Variants in PKP1 observed in about 807,000 individuals in gnomAD.
PKP1 encodes the protein plakophilin-1.
PKP1 carries 27 observed loss-of-function variants against 76.4 expected under a neutral mutation model. The observed-to-expected ratio is 0.35, with a 90% CI of 0.26 to 0.49. PKP1 has a LOEUF of 0.49. Ranked by LOEUF, PKP1 falls within the 20% of genes least tolerant of loss-of-function variation. The pLI is 0.99. For synonymous variants in PKP1, 404 were observed against 384.2 expected, an observed-to-expected ratio of 1.05 and a Z score of -0.60; for missense variants, 964 against 955.2, an observed-to-expected ratio of 1.01 and a Z score of -0.12.
At chr1:201,318,848 C>T in intron 6 of PKP1, 53 bp downstream of exon 6, 1 of 1,421,774 alleles carries the variant, frequency 7.0e-7, no homozygotes, top group Non-Finnish European at 9.7e-7. Flanking sequence ...GGCCCTTCCC[C>T]AGGCAGCCCC....
intron 1 of PKP1, among the ~76,000 whole-genome samples, chr1:201,287,769 T>C (rs1655781844): frequency 1.3e-5 from 2 of 152,198 alleles, no homozygotes; most frequent in South Asian, 4.1e-4. Context: ...CCCGACCCCA[T>C]ACCATTGTAA....
At position 201,323,173 on chromosome 1, in the gene PKP1, C is replaced by A; in HGVS notation, c.1664C>A (p.Thr555Lys). 1 of 1,614,022 alleles carries A rather than the reference C, an allele frequency of 6.2e-7. No homozygotes were observed. The highest frequency in any genetic ancestry group is 8.5e-7 in the Non-Finnish European group (1 of 1,180,018). Residue 555 changes from threonine to lysine, a missense_variant, in exon 9 of 14, where the codon ACA (threonine) becomes AAA (lysine). Coordinates refer to ENST00000367324, the MANE Select transcript of PKP1 (RefSeq NM_001005337.3). ...EACAGALQNL[T>K]ASKGLMSSGM... ...TGTGCTGGTGCCCTGCAGAACCTGA[C>A]AGCCAGCAAGGGGCTGGTGAGTGGG...
chr1:201,314,499 C>G (rs1656667568), intron 3 of PKP1, among the ~76,000 whole-genome samples: 2 of 152,078 alleles, frequency 1.3e-5, no homozygotes. Context: ...CAACAAAAAC[C>G]CTGAGGGACT....
At chr1:201,295,293 T>G (rs1414477165) in intron 2 of PKP1, among the ~76,000 whole-genome samples, 1 of 152,210 alleles carries the variant, frequency 6.6e-6, no homozygotes, top group Non-Finnish European at 1.5e-5. Context: ...GGCTATGTCT[T>G]TCTTACATAT....
chr1:201,300,951 C>T (rs1245991478), intron 2 of PKP1, among the ~76,000 whole-genome samples: 2 of 152,172 alleles, frequency 1.3e-5, no homozygotes, highest in Non-Finnish European at 2.9e-5. Flanking sequence ...CTGAGAGTAC[C>T]TTGCTGACTG....
At chr1:201,308,203 A>T (rs572182734) in intron 2 of PKP1, among the ~76,000 whole-genome samples, 1 of 151,508 alleles carries the variant, frequency 6.6e-6, no homozygotes, top group Non-Finnish European at 1.5e-5. Flanking sequence ...GCACCGGCAC[A>T]GGCTGCCTCA....
At chr1:201,317,099 G>A (rs930241505) in intron 4 of PKP1, among the ~76,000 whole-genome samples, 7 of 152,090 alleles carry the variant, frequency 4.6e-5, no homozygotes, top group African/African-American at 1.7e-4. Flanking sequence ...GCCTGTTGAT[G>A]CCTCCAAAGC....
intron 2 of PKP1, among the ~76,000 whole-genome samples, chr1:201,306,092 G>A (rs1052392479): frequency 3.3e-5 from 5 of 152,248 alleles, no homozygotes; most frequent in African/African-American, 1.2e-4. Flanking sequence ...AAACAGACAG[G>A]TCTGTGTATG....
intron 13 of PKP1, among the ~76,000 whole-genome samples, chr1:201,329,450 C>T (rs922326021): frequency 6.6e-6 from 1 of 152,208 alleles, no homozygotes; most frequent in South Asian, 2.1e-4. Flanking sequence ...GACTCAATAG[C>T]CCTGGAGTGG....
intron 10 of PKP1, 66 bp downstream of exon 10, chr1:201,324,647 C>A: frequency 6.3e-7 from 1 of 1,579,506 alleles, no homozygotes; most frequent in Non-Finnish European, 8.7e-7. Context: ...TTCAAGCCTG[C>A]TTGAAGGTCA....
intron 2 of PKP1, among the ~76,000 whole-genome samples, chr1:201,299,902 G>A (rs906776136): frequency 4.6e-5 from 7 of 152,182 alleles, no homozygotes; most frequent in Non-Finnish European, 8.8e-5. Context: ...GGGTTCCTTC[G>A]GCAGTGCCTG....
Position 201,316,590 on chromosome 1 carries a change from A to G in PKP1, c.739A>G (p.Ile247Val). The change falls in exon 4 of 14, where the codon ATC (isoleucine) becomes GTC (valine). Residue 247 changes from isoleucine (I) to valine (V), a missense_variant. Physicochemically the swap from Ile to Val is conservative, Grantham distance 29. Coordinates refer to ENST00000367324, the MANE Select transcript of PKP1 (RefSeq NM_001005337.3). Reference sequence around the variant, plus strand: ...GGACATCGAGTGCAGTGGGCTGACCATCCCCAAGGCTGTGCAGTACCTGAG... The same window carrying G: ...GGACATCGAGTGCAGTGGGCTGACCGTCCCCAAGGCTGTGCAGTACCTGAG... ...SEDIECSGLT[I>V]PKAVQYLSSQ... 3.1e-6 allele frequency: 5 copies of G among 1,611,958 alleles called. No homozygotes were observed. Among genetic ancestry groups the G allele is most frequent in the Non-Finnish European group, 4.2e-6 (5 of 1,179,098 alleles).
intron 13 of PKP1, 35 bp downstream of exon 13, chr1:201,328,903 G>A: frequency 7.8e-7 from 1 of 1,283,776 alleles, no homozygotes. Flanking sequence ...ATGCCTCTGG[G>A]ACCACTGCAA....
chr1:201,320,425 C>T (rs760300728), intron 7 of PKP1, 44 bp downstream of exon 7: 1 of 1,306,902 alleles, frequency 7.7e-7, no homozygotes, highest in Non-Finnish European at 1.1e-6. Context: ...AGGCCCAGCC[C>T]CCTACATTTT....
At chr1:201,329,860 G>A (rs1165067850) in intron 13 of PKP1, among the ~76,000 whole-genome samples, 1 of 152,178 alleles carries the variant, frequency 6.6e-6, no homozygotes, top group Non-Finnish European at 1.5e-5. Context: ...GAAGACGGTG[G>A]GCAGGGGACA....
chr1:201,309,669 C>T (rs932866650), intron 2 of PKP1, among the ~76,000 whole-genome samples: 1 of 152,100 alleles, frequency 6.6e-6, no homozygotes, highest in African/African-American at 2.4e-5. Flanking sequence ...CGGTGAAGCT[C>T]TCCCACCTGC....
intron 13 of PKP1, among the ~76,000 whole-genome samples, chr1:201,329,680 C>T (rs1342755149): frequency 6.6e-6 from 1 of 152,210 alleles, no homozygotes; most frequent in African/African-American, 2.4e-5. Context: ...GCACCCCCCA[C>T]CCCAATCCCT....
Position 201,322,069 on chromosome 1 carries a change from C to A in PKP1, c.1439C>A (p.Ala480Asp). 2.5e-6 allele frequency: 4 copies of A among 1,613,470 alleles called. No individual in the cohort carries two copies. Among genetic ancestry groups the A allele is most frequent in the Non-Finnish European group, 2.5e-6 (3 of 1,179,962 alleles). ...CGCTACCGCCAGCTGGAGTATAACG[C>A]CCGCAACGCCTACACCGAGAAGTCC... is the stretch of plus-strand genomic sequence containing the variant. The part of the protein sequence containing the change: ...PTRYRQLEYN[A>D]RNAYTEKSST... The change falls in exon 8 of 14, where the codon GCC becomes GAC. Residue 480 changes from alanine to aspartate, a missense_variant. Physicochemically the swap from Ala to Asp is moderately radical, Grantham distance 126. Coordinates refer to ENST00000367324, the MANE Select transcript of PKP1 (RefSeq NM_001005337.3).
chr1:201,328,633 C>T, intron 12 of PKP1, 129 bp from the exon 13 acceptor site: 2 of 809,938 alleles, frequency 2.5e-6, no homozygotes, highest in South Asian at 1.4e-5. Context: ...CGCCCTGACA[C>T]ATGTACTTAG....
Sources: gnomAD v4.1 joint callset for allele counts (sites outside exome capture counted in the v4.1 genomes callset) on GRCh38, gnomAD v4.1.1 for gene constraint, MANE v1.5 for transcripts, NCBI Gene and HGNC (gene_info 2026-07-23, HGNC 2026-07-21) for gene names.